Variants in CHM observed in about 807,000 individuals in gnomAD.
CHM encodes the protein CHM Rab escort protein.
CHM carries 10 observed loss-of-function variants against 49.0 expected under a neutral mutation model. The ratio of observed to expected loss-of-function variants is 0.20; its 90% CI spans 0.13 to 0.35. The LOEUF (loss-of-function observed/expected upper bound fraction) is 0.35. Among genes scored for constraint, CHM ranks in the 10% least tolerant of loss-of-function variants. The pLI is 1.00. For missense variants in CHM, 455 were observed against 478.4 expected (o/e 0.95, Z 0.46); for synonymous variants, 184 against 167.5 (o/e 1.10, Z -0.76).
intron 8 of CHM, among the ~76,000 whole-genome samples, chrX:85,953,872 C>A (rs1018067016): frequency 1.8e-5 from 2 of 111,888 alleles, no homozygotes; most frequent in African/African-American, 6.5e-5. Context: ...GCAAAGATTT[C>A]TTAAGCAATG....
chrX:86,008,969 T>A (rs5968771), intron 2 of CHM, among the ~76,000 whole-genome samples: 19,448 of 111,589 alleles, frequency 0.17, 1,548 homozygotes, highest in Non-Finnish European at 0.25. Context: ...AATGGAAAAA[T>A]CTTTAAAAAT....
At chrX:85,972,682 G>A (rs372395418) in intron 4 of CHM, among the ~76,000 whole-genome samples, 252 of 112,686 alleles carry the variant, frequency 2.2e-3, no homozygotes, top group African/African-American at 7.1e-3. Context: ...ACGCCCACCC[G>A]GAACTCCAGC....
At chrX:85,897,921 C>G (rs1054652024) in intron 11 of CHM, among the ~76,000 whole-genome samples, 1 of 110,697 alleles carries the variant, frequency 9.0e-6, no homozygotes, top group Non-Finnish European at 1.9e-5. Context: ...AGACAAAGAG[C>G]AATTCAGAAG....
At chrX:85,913,332 AAAAGAAAG>A (rs541125872) in intron 8 of CHM, among the ~76,000 whole-genome samples, 728 of 23,395 alleles carry the variant, frequency 0.031, 27 homozygotes, top group Non-Finnish European at 0.039. Flanking sequence ...AAAAAAAAAA[AAAAGAAAG>A]AAAGAAAGAA....
intron 2 of CHM, among the ~76,000 whole-genome samples, chrX:86,010,705 A>C (rs1231521581): frequency 1.8e-5 from 2 of 112,086 alleles, no homozygotes; most frequent in Non-Finnish European, 3.8e-5. Flanking sequence ...TAGCCTATTC[A>C]AAAGCAGAAC....
intron 9 of CHM, among the ~76,000 whole-genome samples, chrX:85,905,221 T>C (rs931130738): frequency 9.0e-6 from 1 of 111,412 alleles, no homozygotes; most frequent in African/African-American, 3.3e-5. Flanking sequence ...TCTCTTTTTA[T>C]ATCTAGTCTG....
At position 85,863,094 on chromosome X, in the gene CHM, C is replaced by T. The variant is rs768950605; in HGVS notation, c.*1536G>A. ...TTAGTTTGCTGCCTATGTACAGCCC[C>T]CTTTTTTTTTTTTTGTGAGACAGAG... On this transcript the variant is annotated 3_prime_UTR_variant, in exon 15 of 15. Transcript: ENST00000357749. 1 of 109,100 alleles carries T rather than the reference C, an allele frequency of 9.2e-6. No homozygotes were observed. Among genetic ancestry groups the T allele is most frequent in the African/African-American group, 3.4e-5 (1 of 29,562 alleles). The allele number at this position is 109,100 out of a possible 1,213,427, so 9.0% of individuals were successfully genotyped here. A position where few individuals can be genotyped will look rare whatever the true frequency, so the allele number is the denominator to read the frequency against.
chrX:85,999,008 TAAAC>T (rs1932576057), intron 2 of CHM, among the ~76,000 whole-genome samples: 1 of 110,763 alleles, frequency 9.0e-6, no homozygotes, highest in Non-Finnish European at 1.9e-5. Context: ...TTCAAACCAA[TAAAC>T]AAAAAACAAC....
Position 85,980,047 on chromosome X carries a change from A to G in CHM, c.190-1156T>C, listed in dbSNP as rs760499237. On this transcript the variant is annotated intron_variant, in intron 3 of 14. Transcript: ENST00000357749. The stretch of plus-strand genomic sequence containing the variant: ...AGTGGCAGGGTCAAGATTCTGGAGT[A>G]AAACAATCATTAAAATAAACTAAAC... Among the ~76,000 whole-genome samples the G allele has an allele frequency of 2.7e-5, 3 of 111,948 alleles. No homozygotes were observed. The South Asian group carries it at 1.1e-3, about 42-fold the overall frequency.
Position 85,946,630 on chromosome X carries a change from GGT to G in CHM, c.1166+9521_1166+9522del, listed in dbSNP as rs771820633. On this transcript the variant is annotated intron_variant, in intron 8 of 14. Coordinates refer to ENST00000357749, the MANE Select transcript of CHM (RefSeq NM_000390.4). ...TTCAGAGAATATATGGGAAAGCTTG[GGT>G]GTCCAGGCAGAAACCCACTGCACAG... Among the ~76,000 whole-genome samples the G allele has an allele frequency of 3.1e-4, 35 of 112,201 alleles. 1 individual carries two copies. The highest frequency in any genetic ancestry group is 5.6e-4 in the Non-Finnish European group (30 of 53,198).
chrX:85,885,496 AAT>A (rs1055715941), intron 12 of CHM, among the ~76,000 whole-genome samples: 54 of 110,839 alleles, frequency 4.9e-4, no homozygotes, highest in African/African-American at 1.6e-3. Context: ...GCTCATGAAT[AAT>A]ATATCTTTAA....
intron 4 of CHM, among the ~76,000 whole-genome samples, chrX:85,972,353 C>A (rs1272842331): frequency 8.8e-6 from 1 of 113,615 alleles, no homozygotes; most frequent in Non-Finnish European, 1.9e-5. Context: ...CCGCGCCATG[C>A]GCTCACACTC....
At chrX:85,883,095 TGTAA>T (rs1924859665) in intron 12 of CHM, among the ~76,000 whole-genome samples, 1 of 111,772 alleles carries the variant, frequency 8.9e-6, no homozygotes, top group African/African-American at 3.2e-5. Context: ...CAAATGTGAA[TGTAA>T]AACCTAAGTA....
At chrX:85,965,221 C>T (rs1212974322) in intron 4 of CHM, among the ~76,000 whole-genome samples, 1 of 112,076 alleles carries the variant, frequency 8.9e-6, no homozygotes, top group Non-Finnish European at 1.9e-5. Flanking sequence ...TATCACAATT[C>T]TTCCATTCTC....
chrX:85,886,522 C>T (rs1370168909), intron 12 of CHM, among the ~76,000 whole-genome samples: 2 of 111,478 alleles, frequency 1.8e-5, no homozygotes, highest in East Asian at 2.8e-4. Flanking sequence ...AAATGAGTTA[C>T]GAACAGGTTT....
chrX:85,869,228 A>G (rs750375657), intron 14 of CHM, among the ~76,000 whole-genome samples: 1 of 111,969 alleles, frequency 8.9e-6, no homozygotes, highest in African/African-American at 3.2e-5. Flanking sequence ...TTCCTCCAGG[A>G]TGACAAATAC....
intron 1 of CHM, among the ~76,000 whole-genome samples, chrX:86,042,753 G>A (rs73630496): frequency 9.1e-6 from 1 of 110,260 alleles, no homozygotes; most frequent in African/African-American, 3.3e-5. Context: ...GGCCCAGGAG[G>A]TTAAGGCTGC....
intron 6 of CHM, among the ~76,000 whole-genome samples, chrX:85,958,247 AAAAC>A (rs1448776543): frequency 2.7e-5 from 3 of 112,233 alleles, no homozygotes; most frequent in African/African-American, 9.7e-5. Context: ...AGTGCTATCT[AAAAC>A]AAACACTGTG....
intron 2 of CHM, among the ~76,000 whole-genome samples, chrX:85,994,661 G>C (rs1006955459): frequency 4.5e-5 from 5 of 111,558 alleles, no homozygotes; most frequent in Non-Finnish European, 7.5e-5. Context: ...TATTGCTGCA[G>C]AGCACACTTT....
Sources: allele counts gnomAD v4.1 joint callset (sites outside exome capture counted in the v4.1 genomes callset), GRCh38; gene constraint gnomAD v4.1.1; transcripts MANE v1.5; gene names NCBI Gene and HGNC (gene_info 2026-07-23, HGNC 2026-07-21).